The following FBXO46 variants were observed in gnomAD, a reference collection of about 807,000 sequenced individuals.
FBXO46 encodes F-box only protein 46.
FBXO46 carries 13 observed loss-of-function variants against 30.7 expected under a neutral mutation model. The ratio of observed to expected loss-of-function variants is 0.42; its 90% CI spans 0.28 to 0.67. The LOEUF is 0.67. FBXO46 is among the 30% of genes least tolerant of loss of function. The pLI is 0.21. For missense variants in FBXO46, 754 were observed against 871.5 expected, an observed-to-expected ratio of 0.87 and a Z score of 1.70; for synonymous variants, 467 against 385.8, an observed-to-expected ratio of 1.21 and a Z score of -2.47.
At chr19:45,714,296 G>C (rs1968054533) in intron 1 of FBXO46, 1 of 152,114 alleles carries the variant, frequency 6.6e-6, no homozygotes, top group Middle Eastern at 3.4e-3. Context: ...TAAACCCACA[G>C]AGAGAGGAAC....
chr19:45,731,109 C>CCGCTGGGCG (rs1968304960), upstream of FBXO46, among the ~76,000 whole-genome samples: 1 of 152,220 alleles, frequency 6.6e-6, no homozygotes, highest in African/African-American at 2.4e-5. Flanking sequence ...GGGTGCTTCC[C>CCGCTGGGCG]CGCTGGGCGC....
In FBXO46 at chr19:45,711,544, T is replaced by A. The variant is rs772133655; in HGVS notation, c.*140A>T. ...GAGGGCTTTCCTGGGTCACCCCTGC[T>A]GAACCCCAGCTCAGTTCCGGTGAGG... is the stretch of plus-strand genomic sequence containing the variant. On this transcript the variant is annotated 3_prime_UTR_variant, in exon 2 of 2. Coordinates refer to ENST00000317683, the MANE Select transcript of FBXO46 (RefSeq NM_001080469.2). 1 of 753,166 alleles carries A rather than the reference T, an allele frequency of 1.3e-6. No individual in the cohort carries two copies. The highest frequency in any genetic ancestry group is 1.5e-5 in the South Asian group (1 of 67,742). The allele number at this position is 753,166 out of a possible 1,614,324, so 46.7% of individuals were successfully genotyped here.
intron 1 of FBXO46, among the ~76,000 whole-genome samples, chr19:45,729,643 G>A (rs1471883005): frequency 6.6e-6 from 1 of 152,202 alleles, no homozygotes; most frequent in African/African-American, 2.4e-5. Context: ...GATAGCCTTG[G>A]GAAAGTTGCT....
chr19:45,713,502 GGAT>G lies in FBXO46; in HGVS notation c.-10_-8del. Reference sequence around the variant, plus strand: ...GGAGGCTCCCACGGTCCATGCTGGGGGATGATGGCAGACAGGCTGGGCTTCAGC... The same window carrying G: ...GGAGGCTCCCACGGTCCATGCTGGGGGATGGCAGACAGGCTGGGCTTCAGC... On this transcript the variant is annotated 5_prime_UTR_variant, in exon 2 of 2. Coordinates refer to ENST00000317683, the MANE Select transcript of FBXO46 (RefSeq NM_001080469.2). The surrounding 1 kb of genome is among the most constrained non-coding windows in gnomAD (Gnocchi z 4.7). The G allele has an allele frequency of 6.5e-7, 1 of 1,541,372 alleles. No homozygotes were observed. The highest frequency in any genetic ancestry group is 8.8e-7 in the Non-Finnish European group (1 of 1,140,492).
chr19:45,711,716 C>G lies in FBXO46; in HGVS notation c.1780G>C (p.Gly594Arg). The change falls in exon 2 of 2, where the codon GGG becomes CGG. Residue 594 changes from glycine (G) to arginine (R), a missense_variant. By Grantham distance (125) the Gly-to-Arg change is moderately radical. This residue lies in a region of FBXO46 where 162 missense variants were observed against 258.7 expected (regional missense o/e 0.63). Coordinates refer to ENST00000317683, the MANE Select transcript of FBXO46 (RefSeq NM_001080469.2). ...NWVLPCNGPG[G>R]GRAGREEGR ...CCCTCCTCCCGGCCGGCCCGGCCCC[C>G]GCCTGGCCCATTGCAGGGCAGCACC... The G allele has an allele frequency of 1.3e-6, 2 of 1,537,636 alleles. No homozygotes were observed. Among genetic ancestry groups the G allele is most frequent in the Non-Finnish European group, 1.7e-6 (2 of 1,146,106 alleles).
In FBXO46 at chr19:45,713,361, C is replaced by T. The variant is rs768802197; in HGVS notation, c.135G>A (p.Glu45=). The part of the protein sequence containing the change: ...SACPEPGGGA[E]PDHGPAHSEN... ...CTGAGTGGGCAGGCCCATGGTCTGG[C>T]TCGGCCCCGCCACCAGGCTCAGGGC... is the stretch of plus-strand genomic sequence containing the variant. The change falls in exon 2 of 2, where the codon GAG becomes GAA. Residue 45 remains glutamate (E), a synonymous_variant. Coordinates refer to ENST00000317683, the MANE Select transcript of FBXO46 (RefSeq NM_001080469.2). This position sits in a 1 kb window ranked among gnomAD's most constrained non-coding sequence, Gnocchi z 4.7. 1.9e-6 allele frequency: 3 copies of T among 1,612,172 alleles called. No individual in the cohort carries two copies. Among genetic ancestry groups the T allele is most frequent in the Non-Finnish European group, 2.5e-6 (3 of 1,179,060 alleles).
rs555937594 is a variant in FBXO46, at chr19:45,711,182, C to A, written c.*502G>T. On this transcript the variant is annotated 3_prime_UTR_variant, in exon 2 of 2. Coordinates refer to ENST00000317683, the MANE Select transcript of FBXO46 (RefSeq NM_001080469.2). ...ATGCCAGATCCCACCTGTGACCTGACAGCCCCCAATTCCTAGAGAGGTGAG... is the reference window on the plus strand; with the variant it reads ...ATGCCAGATCCCACCTGTGACCTGAAAGCCCCCAATTCCTAGAGAGGTGAG... The A allele has an allele frequency of 9.6e-6, 4 of 415,628 alleles. No homozygotes were observed. In the Admixed American group the frequency reaches 1.0e-4, roughly 11 times the overall value. 25.7% of individuals were successfully genotyped at this position (415,628 alleles called of 1,614,324 possible).
chr19:45,722,916 T>C (rs1476270443), intron 1 of FBXO46, among the ~76,000 whole-genome samples: 1 of 151,922 alleles, frequency 6.6e-6, no homozygotes, highest in Non-Finnish European at 1.5e-5. Flanking sequence ...TAGTTGGGCA[T>C]AGTGACAGGC....
At chr19:45,721,960 A>AT (rs1430060986) in intron 1 of FBXO46, among the ~76,000 whole-genome samples, 1 of 151,848 alleles carries the variant, frequency 6.6e-6, no homozygotes, top group Non-Finnish European at 1.5e-5. Context: ...AGTAGCTGGG[A>AT]TTATAGGCAC....
chr19:45,730,206 A>G (rs748226882), intron 1 of FBXO46, among the ~76,000 whole-genome samples: 2 of 151,844 alleles, frequency 1.3e-5, no homozygotes, highest in Non-Finnish European at 2.9e-5. Flanking sequence ...AGGGTGCGAA[A>G]GCCTGTCTCG....
intron 1 of FBXO46, among the ~76,000 whole-genome samples, chr19:45,717,635 A>C (rs922407035): frequency 1.3e-5 from 2 of 152,146 alleles, no homozygotes; most frequent in African/African-American, 4.8e-5. Flanking sequence ...ACTCCAGGGG[A>C]GGCTTATTAC....
intron 1 of FBXO46, among the ~76,000 whole-genome samples, chr19:45,724,932 C>T (rs1258083341): frequency 6.6e-6 from 1 of 152,144 alleles, no homozygotes; most frequent in East Asian, 1.9e-4. Flanking sequence ...GGATTACAGG[C>T]ATGAGGCCAC....
upstream of FBXO46, among the ~76,000 whole-genome samples, chr19:45,731,390 C>A (rs1447997461): frequency 6.7e-6 from 1 of 149,772 alleles, no homozygotes; most frequent in African/African-American, 2.5e-5. Flanking sequence ...AATTTCGGCT[C>A]ACTGCAACCT....
rs748069326 is a variant in FBXO46 at position 45,712,838 on chromosome 19, C to T, written c.658G>A (p.Gly220Ser). The change falls in exon 2 of 2, where the codon GGT (glycine) becomes AGT (serine). Residue 220 changes from glycine (G) to serine (S), a missense_variant. Physicochemically the swap from Gly to Ser is moderately conservative, Grantham distance 56 (BLOSUM62 0). This residue lies in a region of FBXO46 where 454 missense variants were observed against 426.5 expected (regional missense o/e 1.06). Coordinates refer to ENST00000317683, the MANE Select transcript of FBXO46 (RefSeq NM_001080469.2). This position sits in a 1 kb window ranked among gnomAD's most constrained non-coding sequence, Gnocchi z 8.8. ...AKGVGSERRS[G>S]GGDCSRVAEA... ...GCTACACGGCTGCAGTCCCCACCAC[C>T]GGACCGCCGTTCAGATCCCACCCCC... 8.7e-6 allele frequency: 14 copies of T among 1,613,078 alleles called. No individual in the cohort carries two copies. The highest frequency in any genetic ancestry group is 1.6e-4 in the Middle Eastern group (1 of 6,062).
chr19:45,719,048 C>T (rs964393883), intron 1 of FBXO46, among the ~76,000 whole-genome samples: 6 of 151,304 alleles, frequency 4.0e-5, no homozygotes, highest in East Asian at 1.9e-4. Context: ...CAGGAGTCTG[C>T]GACCAGCCTG....
chr19:45,728,574 G>A (rs891470941), intron 1 of FBXO46, among the ~76,000 whole-genome samples: 7 of 152,198 alleles, frequency 4.6e-5, no homozygotes, highest in Admixed American at 3.9e-4. Context: ...GGTGGCTCAC[G>A]CCTGCAATCC....
At position 45,712,794 on chromosome 19, in the gene FBXO46, A is replaced by G. The variant is rs1314167953; in HGVS notation, c.702T>C (p.Phe234=). The G allele has an allele frequency of 2.5e-6, 4 of 1,611,894 alleles. No individual in the cohort carries two copies. The highest frequency in any genetic ancestry group is 1.7e-5 in the Admixed American group (1 of 59,860). Reference sequence around the variant, plus strand: ...TGGGAGGGCTGTCCCTCTGCGCTTCAAAGTGGGCCACGGCCTCGGCTACAC... The same window carrying G: ...TGGGAGGGCTGTCCCTCTGCGCTTCGAAGTGGGCCACGGCCTCGGCTACAC... The part of the protein sequence containing the change: ...CSRVAEAVAH[F]EAQRDSPPTK... Residue 234 remains phenylalanine, a synonymous_variant, in exon 2 of 2, where the codon TTT becomes TTC. Coordinates refer to ENST00000317683, the MANE Select transcript of FBXO46 (RefSeq NM_001080469.2). This position sits in a 1 kb window ranked among gnomAD's most constrained non-coding sequence, Gnocchi z 8.8.
chr19:45,713,363 C>G lies in FBXO46; in HGVS notation c.133G>C (p.Glu45Gln). 1.2e-6 allele frequency: 2 copies of G among 1,612,112 alleles called. No homozygotes were observed. The highest frequency in any genetic ancestry group is 1.7e-6 in the Non-Finnish European group (2 of 1,179,004). Residue 45 changes from glutamate to glutamine, a missense_variant, in exon 2 of 2, where the codon GAG (glutamate) becomes CAG (glutamine). This residue lies in a region of FBXO46 where 97 missense variants were observed against 113.0 expected (regional missense o/e 0.86). Transcript: ENST00000317683. The surrounding 1 kb of genome is among the most constrained non-coding windows in gnomAD (Gnocchi z 4.7). ...GAGTGGGCAGGCCCATGGTCTGGCT[C>G]GGCCCCGCCACCAGGCTCAGGGCAG... ...SACPEPGGGA[E>Q]PDHGPAHSEN...
chr19:45,723,321 C>A (rs1968198216), intron 1 of FBXO46, among the ~76,000 whole-genome samples: 1 of 152,124 alleles, frequency 6.6e-6, no homozygotes, highest in Non-Finnish European at 1.5e-5. Context: ...CTGCAGTGAG[C>A]TATGATCATG....
Sources: allele counts gnomAD v4.1 joint callset (sites outside exome capture counted in the v4.1 genomes callset), GRCh38; gene constraint gnomAD v4.1.1; regional missense constraint gnomAD v4.1.1; non-coding constraint Gnocchi (gnomAD v3.1); transcripts MANE v1.5; gene names NCBI Gene and HGNC (gene_info 2026-07-23, HGNC 2026-07-21).